Variants in C11orf54 observed in about 807,000 individuals in gnomAD.
C11orf54 encodes beta-keto L-gulonate decarboxylase.
In C11orf54, 29 loss-of-function variants were observed where a neutral mutation model predicts 35.5. The observed-to-expected ratio is 0.82, with a 90% CI of 0.61 to 1.11. The LOEUF (loss-of-function observed/expected upper bound fraction) is 1.11, where lower values mean the gene tolerates loss of function less well. C11orf54 is among the 50% of genes most tolerant of loss of function. C11orf54 has a pLI of 0.00. For missense variants in C11orf54, 373 were observed against 369.2 expected (o/e 1.01, Z -0.08); for synonymous variants, 108 against 121.1 (o/e 0.89, Z 0.71).
chr11:93,757,157 A>T (rs1274372134), intron 6 of C11orf54, among the ~76,000 whole-genome samples, 159 bp from the exon 7 acceptor site: 1 of 152,090 alleles, frequency 6.6e-6, no homozygotes, highest in South Asian at 2.1e-4. Context: ...TATATATATG[A>T]CTGATCAAAA....
intron 1 of C11orf54, among the ~76,000 whole-genome samples, chr11:93,743,398 G>A (rs999763590): frequency 1.3e-5 from 2 of 152,190 alleles, no homozygotes; most frequent in African/African-American, 4.8e-5. Context: ...TGACCCCTTC[G>A]TGGGTCTTGC....
intron 2 of C11orf54, among the ~76,000 whole-genome samples, chr11:93,748,865 G>A (rs1942639216): frequency 6.6e-6 from 1 of 151,076 alleles, no homozygotes; most frequent in African/African-American, 2.4e-5. Context: ...AAAGAAATTG[G>A]CAAGGTGCGG....
At chr11:93,747,866 C>T (rs1277285999) in intron 2 of C11orf54, among the ~76,000 whole-genome samples, 1 of 152,004 alleles carries the variant, frequency 6.6e-6, no homozygotes, top group Non-Finnish European at 1.5e-5. Context: ...AATATAATTC[C>T]CCCCCACCAC....
chr11:93,759,037 A>T (rs640382), intron 7 of C11orf54, among the ~76,000 whole-genome samples: 3 of 152,054 alleles, frequency 2.0e-5, no homozygotes, highest in African/African-American at 7.2e-5. Flanking sequence ...GTGGAAAAAT[A>T]GGAATGCTTT....
chr11:93,743,795 A>C (rs1452505598), intron 1 of C11orf54, among the ~76,000 whole-genome samples: 1 of 151,808 alleles, frequency 6.6e-6, no homozygotes, highest in African/African-American at 2.4e-5. Flanking sequence ...TAGTTGGTCT[A>C]CCCCTCCAGG....
chr11:93,751,172 T>C (rs933380847), intron 3 of C11orf54, among the ~76,000 whole-genome samples: 1 of 152,168 alleles, frequency 6.6e-6, no homozygotes, highest in African/African-American at 2.4e-5. Context: ...ACATCTTTGC[T>C]AAAAAGGAGT....
rs147973802 is a variant in C11orf54 at position 93,754,022 on chromosome 11, C to G, written c.315C>G (p.Leu105=). The G allele has an allele frequency of 1.1e-5, 17 of 1,613,772 alleles. No homozygotes were observed. In the African/African-American group the frequency reaches 2.0e-4, roughly 19 times the overall value. The change falls in exon 5 of 9, where the codon CTC becomes CTG. Residue 105 remains leucine, a synonymous_variant. Coordinates refer to ENST00000354421, the MANE Select transcript of C11orf54 (RefSeq NM_001286069.2). ...CAGGAGCAGGTCCATTTCAGACTCT[C>G]GGGTTCAATTCTGAGGTCAGCATAT... is the stretch of plus-strand genomic sequence containing the variant. ...LGAGAGPFQT[L]GFNSEFMPVI... is the part of the protein sequence containing the mutation.
chr11:93,743,384 C>G (rs763680170), intron 1 of C11orf54, among the ~76,000 whole-genome samples: 2 of 152,198 alleles, frequency 1.3e-5, no homozygotes, highest in Admixed American at 1.3e-4. Context: ...GCAGGATATT[C>G]CTCTGACCCC....
intron 2 of C11orf54, among the ~76,000 whole-genome samples, chr11:93,748,407 C>T (rs879393305): frequency 6.6e-6 from 1 of 152,156 alleles, no homozygotes; most frequent in Non-Finnish European, 1.5e-5. Flanking sequence ...CTCGGCCACC[C>T]AAAGTGTTGG....
intron 7 of C11orf54, 68 bp downstream of exon 7, chr11:93,757,533 ATTTTT>A: frequency 4.2e-6 from 5 of 1,203,388 alleles, no homozygotes; most frequent in Non-Finnish European, 5.6e-6. Flanking sequence ...AGATCTTAGG[ATTTTT>A]TTTTTTTTTT....
intron 1 of C11orf54, 69 bp downstream of exon 1, chr11:93,741,797 T>A (rs1294357293): frequency 3.9e-6 from 1 of 255,968 alleles, no homozygotes; most frequent in East Asian, 1.4e-4. Context: ...TGTGAGTGGA[T>A]GAGAACTGTG....
At chr11:93,753,560 C>T (rs1485661654) in intron 3 of C11orf54, 122 bp from the exon 4 acceptor site, 2 of 794,670 alleles carry the variant, frequency 2.5e-6, no homozygotes, top group East Asian at 5.3e-5. Flanking sequence ...TCTTCCAATC[C>T]CTGTTATTTG....
rs1943519158 is a variant in C11orf54, at chr11:93,762,419, T to TG, written c.*735dup. ...TTTTTTTATAGAACAAGGTGGCAGGTGGGGAGCCCTTTACCCTTCTGGTGA... is the reference window on the plus strand; with the variant it reads ...TTTTTTTATAGAACAAGGTGGCAGGTGGGGGAGCCCTTTACCCTTCTGGTGA... On this transcript the variant is annotated 3_prime_UTR_variant, in exon 9 of 9. Coordinates refer to ENST00000354421, the MANE Select transcript of C11orf54 (RefSeq NM_001286069.2). The TG allele has an allele frequency of 6.6e-6, 1 of 152,220 alleles. No homozygotes were observed. The highest frequency in any genetic ancestry group is 1.9e-4 in the East Asian group (1 of 5,206). The allele number at this position is 152,220 out of a possible 1,614,324, so 9.4% of individuals were successfully genotyped here. A position where few individuals can be genotyped will look rare whatever the true frequency, so the allele number is the denominator to read the frequency against.
chr11:93,748,379 C>T (rs1317571561), intron 2 of C11orf54, among the ~76,000 whole-genome samples: 1 of 152,062 alleles, frequency 6.6e-6, no homozygotes, highest in Non-Finnish European at 1.5e-5. Flanking sequence ...AACTCCTGGC[C>T]TCACTCGATG....
chr11:93,753,332 C>CAA (rs35488924), intron 3 of C11orf54, among the ~76,000 whole-genome samples: 8 of 151,716 alleles, frequency 5.3e-5, no homozygotes, highest in Admixed American at 4.6e-4. Flanking sequence ...CAATTTTAGC[C>CAA]AAAAAAAGGA....
chr11:93,764,145 G>C lies in C11orf54; in HGVS notation c.*2457G>C, dbSNP rs751985097. The C allele has an allele frequency of 2.0e-5, 3 of 152,198 alleles. No individual in the cohort carries two copies. Among genetic ancestry groups the C allele is most frequent in the Non-Finnish European group, 4.4e-5 (3 of 68,046 alleles). The allele number at this position is 152,198 out of a possible 1,614,324, so 9.4% of individuals were successfully genotyped here. On this transcript the variant is annotated 3_prime_UTR_variant, in exon 9 of 9. Transcript: ENST00000354421. Reference sequence around the variant, plus strand: ...CAGGCTTTCTTAGCTTGCCAGAGGTGTAGGGCATAAGGGGACGAGGGGTGG... The same window carrying C: ...CAGGCTTTCTTAGCTTGCCAGAGGTCTAGGGCATAAGGGGACGAGGGGTGG...
At chr11:93,743,979 C>T (rs1942307178) in intron 1 of C11orf54, among the ~76,000 whole-genome samples, 1 of 152,182 alleles carries the variant, frequency 6.6e-6, no homozygotes. Context: ...TCCCCACCTC[C>T]AACACACACA....
intron 4 of C11orf54, 82 bp from the exon 5 acceptor site, chr11:93,753,848 AAGGAAG>A: frequency 6.5e-7 from 1 of 1,532,088 alleles, no homozygotes; most frequent in Non-Finnish European, 9.0e-7. Context: ...ATCAGTTGGC[AAGGAAG>A]TGCTAATGGA....
chr11:93,742,268 G>GT (rs1051903263), intron 1 of C11orf54: 7 of 152,204 alleles, frequency 4.6e-5, no homozygotes, highest in East Asian at 3.9e-4. Flanking sequence ...TTTTGGTGGG[G>GT]TTTTTTTCTC....
Sources: gnomAD v4.1 joint callset for allele counts (sites outside exome capture counted in the v4.1 genomes callset) on GRCh38, gnomAD v4.1.1 for gene constraint, MANE v1.5 for transcripts, NCBI Gene and HGNC (gene_info 2026-07-23, HGNC 2026-07-21) for gene names.